Variants in KBTBD12 observed in about 807,000 individuals in gnomAD.
The protein encoded by KBTBD12 is kelch repeat and BTB domain-containing protein 12.
A neutral mutation model predicts 58.7 loss-of-function variants in KBTBD12; 53 were observed. The ratio of observed to expected loss-of-function variants is 0.90; its 90% CI spans 0.72 to 1.14. The LOEUF is 1.14. KBTBD12 is among the 50% of genes most tolerant of loss of function. KBTBD12 has a pLI of 0.00. For synonymous variants in KBTBD12, 236 were observed against 259.8 expected, an observed-to-expected ratio of 0.91 and a Z score of 0.88; for missense variants, 704 against 751.3, an observed-to-expected ratio of 0.94 and a Z score of 0.74.
intron 5 of KBTBD12, among the ~76,000 whole-genome samples, chr3:127,982,710 A>G (rs997833684): frequency 1.3e-5 from 2 of 152,148 alleles, no homozygotes; most frequent in Non-Finnish European, 2.9e-5. Flanking sequence ...GGCTGTGTCC[A>G]TCTTTCTCTG....
rs77489798 is a variant in KBTBD12, at chr3:127,969,597, G to A, written c.1690+6211G>A. On this transcript the variant is annotated intron_variant, in intron 5 of 5. Transcript: ENST00000405109. ...AAAGCTATAGTAGTCAAGACCATGT[G>A]GTACCAGCATAATGATAGACAAAAC... Among the ~76,000 whole-genome samples, 950 of 152,224 alleles carry A rather than the reference G, an allele frequency of 6.2e-3. 10 individuals are homozygous for A. The highest frequency in any genetic ancestry group is 0.022 in the African/African-American group (895 of 41,536).
intron 4 of KBTBD12, among the ~76,000 whole-genome samples, chr3:127,939,712 CCAAA>C (rs1483693301): frequency 4.0e-5 from 6 of 151,008 alleles, no homozygotes; most frequent in Non-Finnish European, 5.9e-5. Context: ...CACAGAGAGA[CCAAA>C]CAAAGCAAGC....
chr3:127,921,921 A>G (rs1939420133), intron 1 of KBTBD12, among the ~76,000 whole-genome samples: 1 of 152,136 alleles, frequency 6.6e-6, no homozygotes, highest in South Asian at 2.1e-4. Context: ...CCCCAAAAGG[A>G]TATTATCTTA....
chr3:127,956,018 A>T (rs1940313346), intron 4 of KBTBD12, among the ~76,000 whole-genome samples: 1 of 152,208 alleles, frequency 6.6e-6, no homozygotes. Context: ...AAGGAAAGAA[A>T]TGCTTTACCA....
chr3:127,926,899 CCCCATGAAGTACTT>C (rs931290459), intron 2 of KBTBD12, among the ~76,000 whole-genome samples: 20 of 152,042 alleles, frequency 1.3e-4, no homozygotes, highest in African/African-American at 4.8e-4. Context: ...CTCTGACCAA[CCCCATGAAGTACTT>C]CTGTCCTTCT....
chr3:127,956,783 G>T (rs954322655), intron 4 of KBTBD12, among the ~76,000 whole-genome samples: 52 of 152,216 alleles, frequency 3.4e-4, no homozygotes, highest in African/African-American at 1.2e-3. Context: ...TTATGAAAAA[G>T]AGGTAAATTG....
chr3:127,958,726 T>C (rs1445220915), intron 4 of KBTBD12, among the ~76,000 whole-genome samples: 4 of 152,220 alleles, frequency 2.6e-5, no homozygotes, highest in African/African-American at 4.8e-5. Context: ...GGTCTTCCCC[T>C]TGAAGCTCTT....
At chr3:127,931,360 G>A (rs754435416) in intron 4 of KBTBD12, among the ~76,000 whole-genome samples, 2 of 152,022 alleles carry the variant, frequency 1.3e-5, no homozygotes, top group African/African-American at 2.4e-5. Flanking sequence ...TCAGTTATGA[G>A]ATTCACTTAT....
At position 127,984,262 on chromosome 3, in the gene KBTBD12, A is replaced by C. The variant is rs1461175568; in HGVS notation, c.1856A>C (p.Glu619Ala). The C allele has an allele frequency of 6.2e-7, 1 of 1,613,604 alleles. No individual in the cohort carries two copies. The highest frequency in any genetic ancestry group is 1.3e-5 in the African/African-American group (1 of 74,896). ...LIPPPSDLVEEGNEH is the reference protein window; with the variant it reads ...LIPPPSDLVEAGNEH ...CCCCCGCCTTCAGATTTGGTGGAAG[A>C]AGGCAATGAGCACTAAGGTGACCTT... Residue 619 changes from glutamate to alanine, a missense_variant, in exon 6 of 6, where the codon GAA (glutamate) becomes GCA (alanine). By Grantham distance (107) the Glu-to-Ala change is moderately radical. Coordinates refer to ENST00000405109, the MANE Select transcript of KBTBD12 (RefSeq NM_207335.4).
At chr3:127,933,319 A>G (rs1360190081) in intron 4 of KBTBD12, among the ~76,000 whole-genome samples, 3 of 152,140 alleles carry the variant, frequency 2.0e-5, no homozygotes, top group Admixed American at 6.5e-5. Flanking sequence ...TACAAAAACT[A>G]GCAGCTTTTT....
At chr3:127,920,699 C>A (rs1168890408) in intron 1 of KBTBD12, among the ~76,000 whole-genome samples, 1 of 151,862 alleles carries the variant, frequency 6.6e-6, no homozygotes, top group Non-Finnish European at 1.5e-5. Context: ...TTTTTTTGCA[C>A]CACATTAATA....
Position 127,962,198 on chromosome 3 carries a change from C to A in KBTBD12, c.1493-991C>A, listed in dbSNP as rs568564228. On this transcript the variant is annotated intron_variant, in intron 4 of 5. Coordinates refer to ENST00000405109, the MANE Select transcript of KBTBD12 (RefSeq NM_207335.4). ...GCAAATACAGGCATGTCCCTCCTTC[C>A]GGGGGGTTTACCTCAGTCTCAGGAG... is the stretch of plus-strand genomic sequence containing the variant. Among the ~76,000 whole-genome samples, 6 of 152,280 alleles carry A rather than the reference C, an allele frequency of 3.9e-5. No homozygotes were observed. The South Asian group carries it at 1.2e-3, about 32-fold the overall frequency.
chr3:127,926,723 T>A (rs1158203872), intron 2 of KBTBD12, among the ~76,000 whole-genome samples: 1 of 152,182 alleles, frequency 6.6e-6, no homozygotes, highest in Non-Finnish European at 1.5e-5. Flanking sequence ...TACTTAAAAA[T>A]TGTACTCTGT....
chr3:127,923,195 A>T lies in KBTBD12; in HGVS notation c.134A>T (p.His45Leu). Residue 45 changes from histidine to leucine, a missense_variant, in exon 2 of 6, where the codon CAC becomes CTC. Coordinates refer to ENST00000405109, the MANE Select transcript of KBTBD12 (RefSeq NM_207335.4). Reference protein sequence around the residue: ...LTAEGEKFPCHRLVLAAFSPY... With the variant: ...LTAEGEKFPCLRLVLAAFSPY... ...GCAGAAGGAGAGAAATTTCCTTGCC[A>T]CAGACTGGTCCTGGCTGCATTTAGC... The T allele has an allele frequency of 6.2e-7, 1 of 1,613,898 alleles. No homozygotes were observed. The highest frequency in any genetic ancestry group is 8.5e-7 in the Non-Finnish European group (1 of 1,179,784).
Position 127,923,341 on chromosome 3 carries a change from T to C in KBTBD12, c.280T>C (p.Leu94=), listed in dbSNP as rs1052054790. The change falls in exon 2 of 6, where the codon TTG becomes CTG. Residue 94 remains leucine, a synonymous_variant. Transcript: ENST00000405109. ...ATTAAATTACATGTACAATGCAGCT[T>C]TGGAGATCAATAATGCCAATGTACA... The part of the protein sequence containing the change: ...VLLNYMYNAA[L]EINNANVQTV... 6.2e-7 allele frequency: 1 copy of C among 1,613,862 alleles called. No homozygotes were observed. The highest frequency in any genetic ancestry group is 1.7e-5 in the Admixed American group (1 of 59,996).
intron 4 of KBTBD12, among the ~76,000 whole-genome samples, chr3:127,949,901 A>T (rs1481797613): frequency 6.6e-6 from 1 of 152,240 alleles, no homozygotes; most frequent in Non-Finnish European, 1.5e-5. Context: ...CTGGAAATCA[A>T]ATTAGCTAAT....
chr3:127,917,186 C>CT (rs1939270368), intron 1 of KBTBD12, among the ~76,000 whole-genome samples: 1 of 152,238 alleles, frequency 6.6e-6, no homozygotes, highest in African/African-American at 2.4e-5. Context: ...TCCCACAGGG[C>CT]TACCACTATC....
chr3:127,950,658 G>A (rs2107603787), intron 4 of KBTBD12, among the ~76,000 whole-genome samples: 1 of 152,272 alleles, frequency 6.6e-6, no homozygotes, highest in African/African-American at 2.4e-5. Flanking sequence ...ACTAGGGCAA[G>A]ACAGATCAAC....
chr3:127,930,007 G>A lies in KBTBD12; in HGVS notation c.1342-126G>A, dbSNP rs1326687788. On this transcript the variant is annotated intron_variant, in intron 3 of 5. Coordinates refer to ENST00000405109, the MANE Select transcript of KBTBD12 (RefSeq NM_207335.4). ...CCGTCATGGGGTTTGGTGTGTTTGT[G>A]AGTATGAGTCACTGCAGTTAACCTC... 6.6e-6 allele frequency: 5 copies of A among 752,502 alleles called. No homozygotes were observed. In the African/African-American group the frequency reaches 8.8e-5, roughly 13 times the overall value. 46.6% of individuals were successfully genotyped at this position (752,502 alleles called of 1,614,324 possible).
Sources: allele counts gnomAD v4.1 joint callset (sites outside exome capture counted in the v4.1 genomes callset), GRCh38; gene constraint gnomAD v4.1.1; transcripts MANE v1.5; gene names NCBI Gene and HGNC (gene_info 2026-07-23, HGNC 2026-07-21).